Variants in NPDC1 observed in about 807,000 individuals in gnomAD.
NPDC1 encodes the protein neural proliferation, differentiation and control 1.
Under a neutral mutation model 32.5 loss-of-function variants are expected in NPDC1, and 18 were observed. The ratio of observed to expected loss-of-function variants is 0.55; its 90% confidence interval spans 0.38 to 0.82. NPDC1 has a LOEUF of 0.82. NPDC1 is among the 40% of genes least tolerant of loss of function. NPDC1 has a pLI of 0.00. For missense variants in NPDC1, 468 were observed against 406.6 expected, an observed-to-expected ratio of 1.15 and a Z score of -1.30; for synonymous variants, 210 against 184.7, an observed-to-expected ratio of 1.14 and a Z score of -1.11.
Position 137,040,866 on chromosome 9 carries a change from C to G in NPDC1, c.504G>C (p.Val168=), listed in dbSNP as rs1564246319. ...CCCGGGGCTCCAGGGGCGACATGTG[C>G]ACCGGGTCGGATGACACAGGGGAGC... ...SLGSPVSSDP[V]HMSPLEPRGG... Residue 168 remains valine, a synonymous_variant, in exon 4 of 9, where the codon GTG becomes GTC. Transcript: ENST00000371601. 1.3e-6 allele frequency: 2 copies of G among 1,599,604 alleles called. No individual in the cohort carries two copies. Among genetic ancestry groups the G allele is most frequent in the Non-Finnish European group, 1.7e-6 (2 of 1,176,096 alleles).
intron 1 of NPDC1, chr9:137,043,291 C>CA: frequency 1.4e-6 from 1 of 721,512 alleles, no homozygotes; most frequent in Non-Finnish European, 2.6e-6. Flanking sequence ...TGCCCCACCC[C>CA]TCCCCAGGGT....
At chr9:137,044,282 TG>T (rs1832096174) in intron 1 of NPDC1, among the ~76,000 whole-genome samples, 1 of 152,200 alleles carries the variant, frequency 6.6e-6, no homozygotes, top group Non-Finnish European at 1.5e-5. Context: ...CTCCACAACC[TG>T]GGGCAGCAGC....
chr9:137,041,856 C>A (rs866958121), intron 2 of NPDC1, among the ~76,000 whole-genome samples: 1 of 152,256 alleles, frequency 6.6e-6, no homozygotes, highest in Admixed American at 6.5e-5. Flanking sequence ...CCGACAGATG[C>A]GGCTCAGGCT....
At position 137,041,138 on chromosome 9, in the gene NPDC1, G is replaced by C. The variant is rs755542793; in HGVS notation, c.309C>G (p.Ala103=). The C allele has an allele frequency of 6.7e-7, 1 of 1,503,144 alleles. No individual in the cohort carries two copies. Among genetic ancestry groups the C allele is most frequent in the Admixed American group, 2.5e-5 (1 of 39,814 alleles). 93.1% of individuals were successfully genotyped at this position (1,503,144 alleles called of 1,614,324 possible). A position where few individuals can be genotyped will look rare whatever the true frequency, so the allele number is the denominator to read the frequency against. ...CAGACTCCTTCCGGGCAAGCTCCTGGGCCAGGAAGTCAATCTCATCTTCCA... is the reference window on the plus strand; with the variant it reads ...CAGACTCCTTCCGGGCAAGCTCCTGCGCCAGGAAGTCAATCTCATCTTCCA... ...PRLEDEIDFL[A]QELARKESGH... Residue 103 remains alanine (A), a synonymous_variant, in exon 3 of 9, where the codon GCC becomes GCG. Coordinates refer to ENST00000371601, the MANE Select transcript of NPDC1 (RefSeq NM_015392.4).
intron 3 of NPDC1, 31 bp downstream of exon 3, chr9:137,041,031 G>C: frequency 6.6e-7 from 1 of 1,521,476 alleles, no homozygotes; most frequent in African/African-American, 1.4e-5. Flanking sequence ...CTAGGGACAG[G>C]GCCGTGGGGC....
At chr9:137,041,808 C>A (rs552909074) in intron 2 of NPDC1, among the ~76,000 whole-genome samples, 322 of 152,384 alleles carry the variant, frequency 2.1e-3, no homozygotes, top group African/African-American at 7.3e-3. Context: ...CTGAGCAAAG[C>A]CCTCACCACA....
At position 137,040,546 on chromosome 9, in the gene NPDC1, C is replaced by A. The variant is rs750517641; in HGVS notation, c.676G>T (p.Ala226Ser). Reference sequence around the variant, plus strand: ...CGGGGAGCTGCAGGTGAGCCAGGGGCCTTCGCAGTGGCGTAGTCGGCCTTC... The same window carrying A: ...CGGGGAGCTGCAGGTGAGCCAGGGGACTTCGCAGTGGCGTAGTCGGCCTTC... ...TQKADYATAK[A>S]PGSPAAPRIS... Residue 226 changes from alanine to serine, a missense_variant, in exon 6 of 9, where the codon GCC becomes TCC. Coordinates refer to ENST00000371601, the MANE Select transcript of NPDC1 (RefSeq NM_015392.4). 14 of 1,588,656 alleles carry A rather than the reference C, an allele frequency of 8.8e-6. No individual in the cohort carries two copies. The highest frequency in any genetic ancestry group is 1.2e-5 in the Non-Finnish European group (14 of 1,173,316).
In NPDC1 at chr9:137,041,168, G is replaced by C. The variant is rs1832045767; in HGVS notation, c.279C>G (p.Pro93=). Residue 93 remains proline, a synonymous_variant, in exon 3 of 9, where the codon CCC becomes CCG. Coordinates refer to ENST00000371601, the MANE Select transcript of NPDC1 (RefSeq NM_015392.4). ...GGAAGTCAATCTCATCTTCCAGTCT[G>C]GGCTGGGGCCGGCCCCCGCCTGGGG... ...RRPPGGGRPQ[P]RLEDEIDFLA... The C allele has an allele frequency of 6.8e-7, 1 of 1,463,442 alleles. No homozygotes were observed. The highest frequency in any genetic ancestry group is 1.5e-5 in the South Asian group (1 of 68,608). The allele number at this position is 1,463,442 out of a possible 1,614,324, so 90.7% of individuals were successfully genotyped here.
chr9:137,043,227 C>T (rs760640951), intron 1 of NPDC1, 154 bp from the exon 2 acceptor site: 32 of 868,444 alleles, frequency 3.7e-5, no homozygotes, highest in South Asian at 1.7e-4. Flanking sequence ...TCCTCCCTGA[C>T]GCCAGGGCTC....
intron 2 of NPDC1, 63 bp from the exon 3 acceptor site, chr9:137,041,250 C>G: frequency 7.5e-7 from 1 of 1,340,692 alleles, no homozygotes; most frequent in Non-Finnish European, 9.6e-7. Flanking sequence ...CAGGCCCGGC[C>G]TCCCCGCTTC....
intron 1 of NPDC1, chr9:137,043,616 C>T (rs1012810707): frequency 3.9e-5 from 21 of 542,040 alleles, no homozygotes; most frequent in East Asian, 8.7e-5. Flanking sequence ...CCCCAGGCAC[C>T]GAGGACACCT....
At chr9:137,043,103 TCACGGCCCCGCAGGGCTCGGCCCCTGCA>T in intron 1 of NPDC1, 30 bp from the exon 2 acceptor site, 1 of 1,608,832 alleles carries the variant, frequency 6.2e-7, no homozygotes. Context: ...CAGGGCCGGC[TCACGGCCCCGCAGGGCTCGGCCCCTGCA>T]CACGGCAGCG....
In NPDC1 at chr9:137,046,072, G is replaced by A; in HGVS notation, c.-83C>T. ...CTCCGGGCTCCGCGTCGGGAGCAGC[G>A]GAGGCAGCGGGGGAGGACGCAGGAG... On this transcript the variant is annotated 5_prime_UTR_variant, in exon 1 of 9. Coordinates refer to ENST00000371601, the MANE Select transcript of NPDC1 (RefSeq NM_015392.4). The A allele has an allele frequency of 9.0e-7, 1 of 1,115,688 alleles. No individual in the cohort carries two copies. Among genetic ancestry groups the A allele is most frequent in the Non-Finnish European group, 1.1e-6 (1 of 912,518 alleles). 69.1% of individuals were successfully genotyped at this position (1,115,688 alleles called of 1,614,324 possible).
chr9:137,041,401 C>T (rs11145975), intron 2 of NPDC1, among the ~76,000 whole-genome samples: 96,508 of 151,976 alleles, frequency 0.64, 30,868 homozygotes, highest in Admixed American at 0.68. Context: ...AGGGAGGAGG[C>T]GCTAGGGAAA....
At chr9:137,041,742 G>C (rs1269042694) in intron 2 of NPDC1, among the ~76,000 whole-genome samples, 2 of 152,156 alleles carry the variant, frequency 1.3e-5, no homozygotes, top group African/African-American at 4.8e-5. Flanking sequence ...CCACTTCTCG[G>C]TGCTCCTCTC....
At chr9:137,042,652 C>T (rs1444875079) in intron 2 of NPDC1, among the ~76,000 whole-genome samples, 5 of 149,122 alleles carry the variant, frequency 3.4e-5, no homozygotes, top group Middle Eastern at 3.5e-3. Context: ...CTCCGCCTCC[C>T]GGGTTAAAGC....
intron 1 of NPDC1, 142 bp from the exon 2 acceptor site, chr9:137,043,215 C>A: frequency 1.1e-6 from 1 of 951,100 alleles, no homozygotes; most frequent in Non-Finnish European, 1.7e-6. Flanking sequence ...TGGACATGCC[C>A]TTCCTCCCTG....
chr9:137,041,469 C>T (rs1832054851), intron 2 of NPDC1, among the ~76,000 whole-genome samples: 1 of 152,196 alleles, frequency 6.6e-6, no homozygotes, highest in Non-Finnish European at 1.5e-5. Flanking sequence ...AACCCATGTC[C>T]ATAAAGGGCT....
chr9:137,040,354 C>T lies in NPDC1; in HGVS notation c.788+3G>A. ...GGGTGGCAGTGCCGGGGCGGCCACTCACCGCTCCAGGCACAGCATCTGTTG... is the reference window on the plus strand; with the variant it reads ...GGGTGGCAGTGCCGGGGCGGCCACTTACCGCTCCAGGCACAGCATCTGTTG... On this transcript the variant is annotated splice_donor_region_variant and intron_variant, in intron 7 of 8. Coordinates refer to ENST00000371601, the MANE Select transcript of NPDC1 (RefSeq NM_015392.4). The T allele has an allele frequency of 6.5e-7, 1 of 1,541,000 alleles. No homozygotes were observed. The highest frequency in any genetic ancestry group is 1.2e-5 in the South Asian group (1 of 83,892).
Sources: allele counts gnomAD v4.1 joint callset (sites outside exome capture counted in the v4.1 genomes callset), GRCh38; gene constraint gnomAD v4.1.1; transcripts MANE v1.5; gene names NCBI Gene and HGNC (gene_info 2026-07-23, HGNC 2026-07-21).